The following PGBD1 variants were observed in gnomAD, a reference collection of about 807,000 sequenced individuals.
PGBD1 encodes the protein piggyBac transposable element-derived protein 1.
A neutral mutation model predicts 34.7 loss-of-function variants in PGBD1; 25 were observed. That is an observed-to-expected ratio of 0.72 (90% CI 0.52 to 1.00). The LOEUF is 1.00. Among genes scored for constraint, PGBD1 ranks in the 50% least tolerant of loss-of-function variants. PGBD1 has a pLI of 0.00. For synonymous variants in PGBD1, 292 were observed against 335.7 expected (o/e 0.87, Z 1.42); for missense variants, 830 against 959.4 (o/e 0.87, Z 1.78).
Position 28,300,925 on chromosome 6 carries a change from C to T in PGBD1, c.1071C>T (p.Leu357=), listed in dbSNP as rs1224673542. ...GAGTGAGTGAACTGCTCCAAGGCCT[C>T]TCATTCTCTGGTGACTCAGATGTGG... The part of the protein sequence containing the change: ...KARVSELLQG[L]SFSGDSDVEK... Residue 357 remains leucine (L), a synonymous_variant, in exon 7 of 7, where the codon CTC becomes CTT. Transcript: ENST00000682144. The surrounding 1 kb of genome is among the most constrained non-coding windows in gnomAD (Gnocchi z 4.0). 6.2e-7 allele frequency: 1 copy of T among 1,614,130 alleles called. No homozygotes were observed. Among genetic ancestry groups the T allele is most frequent in the South Asian group, 1.1e-5 (1 of 91,080 alleles).
In PGBD1 at chr6:28,300,398, C is replaced by T. The variant is rs553543021; in HGVS notation, c.870-326C>T. 1.3e-5 allele frequency among the ~76,000 whole-genome samples: 2 copies of T among 152,272 alleles called. No homozygotes were observed. The highest frequency in any genetic ancestry group is 6.5e-5 in the Admixed American group (1 of 15,298). On this transcript the variant is annotated intron_variant, in intron 6 of 6. Coordinates refer to ENST00000682144, the MANE Select transcript of PGBD1 (RefSeq NM_032507.4). The surrounding 1 kb of genome is among the most constrained non-coding windows in gnomAD (Gnocchi z 4.0). ...GTAGCAGATGTCCCTCTGCATAGGT[C>T]TTCTCAATGCAACTTGGGGCACCAA...
Position 28,292,159 on chromosome 6 carries a change from T to A in PGBD1, c.643-4657T>A, listed in dbSNP as rs561916322. 2.7e-4 allele frequency among the ~76,000 whole-genome samples: 41 copies of A among 152,298 alleles called. 3 individuals are homozygous for A. In the South Asian group the frequency reaches 8.3e-3, roughly 31 times the overall value. On this transcript the variant is annotated intron_variant, in intron 4 of 6. Coordinates refer to ENST00000682144, the MANE Select transcript of PGBD1 (RefSeq NM_032507.4). ...CAGGTTAGTCTGTTCGCAGATGATATAATCTTATACCTCGAAAAACCTGAA... is the reference window on the plus strand; with the variant it reads ...CAGGTTAGTCTGTTCGCAGATGATAAAATCTTATACCTCGAAAAACCTGAA...
Position 28,301,680 on chromosome 6 carries a change from A to C in PGBD1, c.1826A>C (p.Asn609Thr), listed in dbSNP as rs200552389. ...GGGTTAGGTGGAAATCTAGTGATGA[A>C]CTTCGCTGATGTTCTTTTAGAGAGA... The part of the protein sequence containing the change: ...DLGLGGNLVM[N>T]FADVLLERGQ... Residue 609 changes from asparagine to threonine, a missense_variant, in exon 7 of 7, where the codon AAC becomes ACC. Asn to Thr is a moderately conservative substitution (Grantham distance 65). This residue lies in a region of PGBD1 where 372 missense variants were observed against 427.9 expected (regional missense o/e 0.87). Transcript: ENST00000682144. 140 of 1,614,122 alleles carry C rather than the reference A, an allele frequency of 8.7e-5. No individual in the cohort carries two copies. The highest frequency in any genetic ancestry group is 1.2e-4 in the Non-Finnish European group (138 of 1,180,008).
intron 6 of PGBD1, among the ~76,000 whole-genome samples, chr6:28,298,478 G>T (rs1762726229): frequency 6.6e-6 from 1 of 152,102 alleles, no homozygotes; most frequent in African/African-American, 2.4e-5. Context: ...GCTCATTGGA[G>T]CATTTTGGAT....
chr6:28,290,136 C>T (rs2113747772), intron 4 of PGBD1, among the ~76,000 whole-genome samples: 1 of 152,334 alleles, frequency 6.6e-6, no homozygotes, highest in Non-Finnish European at 1.5e-5. Context: ...CACTCTTTCA[C>T]TCTGGCTGGA....
chr6:28,292,297 GAGAT>G (rs1409444078), intron 4 of PGBD1, among the ~76,000 whole-genome samples: 2 of 151,988 alleles, frequency 1.3e-5, no homozygotes, highest in South Asian at 4.1e-4. Flanking sequence ...TGAACAATCT[GAGAT>G]AGAAATCAAG....
chr6:28,281,607 C>A lies in PGBD1; in HGVS notation c.-350C>A, dbSNP rs1403078533. ...AGCTGCTGGAGGCGCCGGCAGCGCC[C>A]GCCAGACCCGCCAGCCCAGCGGCCC... is the stretch of plus-strand genomic sequence containing the variant. On this transcript the variant is annotated 5_prime_UTR_variant, in exon 1 of 7. Transcript: ENST00000682144. The A allele has an allele frequency of 7.8e-6, 3 of 382,352 alleles. No homozygotes were observed. In the East Asian group the frequency reaches 1.1e-4, roughly 14 times the overall value. 23.7% of individuals were successfully genotyped at this position (382,352 alleles called of 1,614,324 possible).
chr6:28,292,132 G>T (rs146693524), intron 4 of PGBD1, among the ~76,000 whole-genome samples: 15 of 152,254 alleles, frequency 9.9e-5, no homozygotes, highest in African/African-American at 3.6e-4. Flanking sequence ...ATAGCAAAAA[G>T]TCAGGTTAGT....
chr6:28,285,440 T>C, intron 2 of PGBD1, 111 bp from the exon 3 acceptor site: 2 of 1,179,602 alleles, frequency 1.7e-6, no homozygotes, highest in Non-Finnish European at 2.3e-6. Context: ...ATCCTTTGCC[T>C]GTCTTTTCTG....
At chr6:28,291,180 T>A (rs938348925) in intron 4 of PGBD1, among the ~76,000 whole-genome samples, 17 of 148,054 alleles carry the variant, frequency 1.1e-4, no homozygotes, top group African/African-American at 3.5e-4. Flanking sequence ...GGATTTTTTT[T>A]AAAAGATAAA....
intron 4 of PGBD1, among the ~76,000 whole-genome samples, chr6:28,293,140 A>G (rs962499246): frequency 6.6e-6 from 1 of 152,044 alleles, no homozygotes; most frequent in East Asian, 1.9e-4. Context: ...ATGGGGTTTC[A>G]CCATGTTGGC....
At chr6:28,291,791 G>T (rs1466043009) in intron 4 of PGBD1, among the ~76,000 whole-genome samples, 1 of 152,088 alleles carries the variant, frequency 6.6e-6, no homozygotes. Flanking sequence ...TGCAAGGATG[G>T]TTCAACATAT....
At chr6:28,289,676 G>T (rs1461697918) in intron 4 of PGBD1, among the ~76,000 whole-genome samples, 1 of 152,182 alleles carries the variant, frequency 6.6e-6, no homozygotes, top group East Asian at 1.9e-4. Flanking sequence ...GAAGTGGGAG[G>T]ATCACTTGAG....
intron 2 of PGBD1, 97 bp downstream of exon 2, chr6:28,284,306 A>G: frequency 1.5e-6 from 2 of 1,291,074 alleles, no homozygotes; most frequent in Non-Finnish European, 2.0e-6. Flanking sequence ...CCTAATTTAT[A>G]GAAGTATTAG....
In PGBD1 at chr6:28,287,100, G is replaced by C; in HGVS notation, c.574G>C (p.Ala192Pro). ...TGCAGGGCCTGTTCCCCACGGATCAGCTCATCTCCAGGAAAAAAACCCCAG... is the reference window on the plus strand; with the variant it reads ...TGCAGGGCCTGTTCCCCACGGATCACCTCATCTCCAGGAAAAAAACCCCAG... ...EVSGPVPHGS[A>P]HLQEKNPRDK... The change falls in exon 4 of 7, where the codon GCT becomes CCT. Residue 192 changes from alanine (A) to proline (P), a missense_variant. Ala to Pro is a conservative substitution (Grantham distance 27). Around this residue, in one of 3 missense-constraint regions of PGBD1, gnomAD observed 457 missense variants for 515.4 expected, o/e 0.89. Transcript: ENST00000682144. 1 of 1,614,026 alleles carries C rather than the reference G, an allele frequency of 6.2e-7. No individual in the cohort carries two copies. The highest frequency in any genetic ancestry group is 1.7e-5 in the Admixed American group (1 of 60,020).
Position 28,300,859 on chromosome 6 carries a change from A to G in PGBD1, c.1005A>G (p.Ala335=). Residue 335 remains alanine (A), a synonymous_variant, in exon 7 of 7, where the codon GCA becomes GCG. Transcript: ENST00000682144. This position sits in a 1 kb window ranked among gnomAD's most constrained non-coding sequence, Gnocchi z 4.0. ...RMHISSLEYA[A]GDITRKGRKK... ...ACATCTCATCCCTGGAATATGCTGC[A>G]GGAGACATTACCCGAAAAGGGAGAA... is the stretch of plus-strand genomic sequence containing the variant. The G allele has an allele frequency of 3.7e-6, 6 of 1,614,176 alleles. No individual in the cohort carries two copies. The highest frequency in any genetic ancestry group is 5.1e-6 in the Non-Finnish European group (6 of 1,180,026).
rs151181559 is a variant in PGBD1, at chr6:28,301,639, T to G, written c.1785T>G (p.Asp595Glu). 830 of 1,614,200 alleles carry G rather than the reference T, an allele frequency of 5.1e-4. 1 individual carries two copies. The highest frequency in any genetic ancestry group is 1.3e-3 in the Admixed American group (81 of 60,022). The stretch of plus-strand genomic sequence containing the variant: ...AAGAAGAATCAACTATGAAGGTAGA[T>G]GAGGATCCTGATCTTGGGTTAGGTG... ...PYQEESTMKV[D>E]EDPDLGLGGN... The change falls in exon 7 of 7, where the codon GAT becomes GAG. Residue 595 changes from aspartate (D) to glutamate (E), a missense_variant. By Grantham distance (45) the Asp-to-Glu change is conservative. Around this residue, in one of 3 missense-constraint regions of PGBD1, gnomAD observed 372 missense variants for 427.9 expected, o/e 0.87. Coordinates refer to ENST00000682144, the MANE Select transcript of PGBD1 (RefSeq NM_032507.4).
chr6:28,289,935 G>T (rs1762395283), intron 4 of PGBD1, among the ~76,000 whole-genome samples: 1 of 152,138 alleles, frequency 6.6e-6, no homozygotes, highest in African/African-American at 2.4e-5. Context: ...TTGTATTTGG[G>T]ATCTAAGATA....
Position 28,284,028 on chromosome 6 carries a change from G to A in PGBD1, c.215G>A (p.Trp72Ter), listed in dbSNP as rs774605074. ...CAACTCCGAGAACTTTGTCATCAAT[G>A]GCTGAGACCGGAGATGCACACCAAG... ...LAQLRELCHQ[W>*]LRPEMHTKEQ... The change falls in exon 2 of 7, where the codon TGG becomes TAG. Residue 72 changes from tryptophan (W) to a stop codon, truncating the protein, a stop_gained. Transcript: ENST00000682144. LOFTEE classifies it high-confidence loss of function. 1 of 1,614,168 alleles carries A rather than the reference G, an allele frequency of 6.2e-7. No homozygotes were observed. Among genetic ancestry groups the A allele is most frequent in the Non-Finnish European group, 8.5e-7 (1 of 1,180,004 alleles).
Sources: allele counts gnomAD v4.1 joint callset (sites outside exome capture counted in the v4.1 genomes callset), GRCh38; gene constraint gnomAD v4.1.1; regional missense constraint gnomAD v4.1.1; non-coding constraint Gnocchi (gnomAD v3.1); transcripts MANE v1.5; gene names NCBI Gene and HGNC (gene_info 2026-07-23, HGNC 2026-07-21).